Variants in NRXN3 observed in about 807,000 individuals in gnomAD.
NRXN3 encodes the protein neurexin 3, also known as neurexin III.
NRXN3 carries 32 observed loss-of-function variants against 137.6 expected under a neutral mutation model. The ratio of observed to expected loss-of-function variants is 0.23; its 90% CI spans 0.18 to 0.31. The LOEUF is 0.31. Ranked by LOEUF, NRXN3 falls within the 10% of genes least tolerant of loss-of-function variation. NRXN3 has a pLI of 1.00. For synonymous variants in NRXN3, 798 were observed against 784.5 expected (o/e 1.02, Z -0.29); for missense variants, 1,574 against 2,062.5 (o/e 0.76, Z 4.59).
At chr14:78,206,778 AG>A (rs1190494355) in intron 1 of NRXN3, among the ~76,000 whole-genome samples, 11 of 152,152 alleles carry the variant, frequency 7.2e-5, no homozygotes, top group African/African-American at 2.7e-4. Context: ...TGTGGCTCAA[AG>A]TGGGTGGTGA....
At chr14:79,455,169 G>C (rs1417688568) in intron 15 of NRXN3, among the ~76,000 whole-genome samples, 1 of 152,144 alleles carries the variant, frequency 6.6e-6, no homozygotes, top group African/African-American at 2.4e-5. Context: ...TCAAGATCTA[G>C]GTAGATTGTA....
At chr14:79,714,046 T>A (rs973803365) in intron 19 of NRXN3, among the ~76,000 whole-genome samples, 1 of 152,198 alleles carries the variant, frequency 6.6e-6, no homozygotes, top group Admixed American at 6.5e-5. Context: ...TTATTTACTT[T>A]ACCTTACATG....
At chr14:79,546,034 C>A (rs142120290) in intron 16 of NRXN3, among the ~76,000 whole-genome samples, 1 of 152,214 alleles carries the variant, frequency 6.6e-6, no homozygotes, top group East Asian at 1.9e-4. Context: ...AGCTTCTCTG[C>A]ACAAGCTCTC....
Position 79,072,307 on chromosome 14 carries a change from T to C in NRXN3, c.3262+84166T>C, listed in dbSNP as rs2099688885. 2.6e-5 allele frequency: 4 copies of C among 152,192 alleles called. No homozygotes were observed. In the South Asian group the frequency reaches 8.3e-4, roughly 32 times the overall value. The allele number at this position is 152,192 out of a possible 1,614,324, so 9.4% of individuals were successfully genotyped here. A position where few individuals can be genotyped will look rare whatever the true frequency, so the allele number is the denominator to read the frequency against. ...CAAATTGCCAGTATCAAAGATTCTG[T>C]TGATGAGGAATAGACAGCCTGTGTT... On this transcript the variant is annotated intron_variant, in intron 15 of 20. Transcript: ENST00000335750.
At chr14:79,798,764 A>G (rs1312896233) in intron 19 of NRXN3, among the ~76,000 whole-genome samples, 1 of 152,246 alleles carries the variant, frequency 6.6e-6, no homozygotes, top group African/African-American at 2.4e-5. Context: ...AGGAGGGGAC[A>G]GAGTGAAACG....
intron 19 of NRXN3, among the ~76,000 whole-genome samples, chr14:79,701,589 CAG>C (rs2098754752): frequency 6.6e-6 from 1 of 152,008 alleles, no homozygotes; most frequent in Admixed American, 6.6e-5. Context: ...TCAGGGCTTC[CAG>C]AGAGAGTACT....
chr14:78,572,336 C>G (rs937198358), intron 4 of NRXN3, among the ~76,000 whole-genome samples: 23 of 152,176 alleles, frequency 1.5e-4, no homozygotes, highest in Non-Finnish European at 3.1e-4. Context: ...AAGCTACACA[C>G]ATGAAAGGTA....
At chr14:79,641,568 C>T (rs1359941794) in intron 16 of NRXN3, among the ~76,000 whole-genome samples, 1 of 135,398 alleles carries the variant, frequency 7.4e-6, no homozygotes. Flanking sequence ...TGTTGGCTCT[C>T]CTTTGGACTG....
intron 4 of NRXN3, among the ~76,000 whole-genome samples, chr14:78,397,057 G>A (rs772760843): frequency 1.3e-5 from 2 of 152,156 alleles, no homozygotes; most frequent in South Asian, 2.1e-4. Context: ...CTATCTCCAA[G>A]TACAGTTACG....
At chr14:79,752,223 G>A (rs919245804) in intron 19 of NRXN3, among the ~76,000 whole-genome samples, 1 of 127,794 alleles carries the variant, frequency 7.8e-6, no homozygotes, top group Admixed American at 8.7e-5. Flanking sequence ...TGCTTGGTAA[G>A]CTATTGATTA....
chr14:79,343,779 A>G (rs2092730253), intron 15 of NRXN3, among the ~76,000 whole-genome samples: 1 of 152,174 alleles, frequency 6.6e-6, no homozygotes, highest in South Asian at 2.1e-4. Flanking sequence ...GATATAGTTT[A>G]CCTGCACAGT....
intron 4 of NRXN3, among the ~76,000 whole-genome samples, chr14:78,578,413 G>T (rs146497832): frequency 3.3e-5 from 5 of 152,194 alleles, no homozygotes; most frequent in African/African-American, 4.8e-5. Flanking sequence ...GCTATTCGGA[G>T]TAATTGGGGA....
intron 15 of NRXN3, chr14:79,280,563 T>C: frequency 1.9e-6 from 3 of 1,598,168 alleles, no homozygotes; most frequent in Non-Finnish European, 2.6e-6. Flanking sequence ...TCTTTATCCT[T>C]TTAATGGGGC....
chr14:78,714,947 G>A lies in NRXN3; in HGVS notation c.1852G>A (p.Gly618Arg). The change falls in exon 8 of 21, where the codon GGG becomes AGG. Residue 618 changes from glycine to arginine, a missense_variant. Around this residue, in one of 5 missense-constraint regions of NRXN3, gnomAD observed 718 missense variants for 887.6 expected, o/e 0.81. Transcript: ENST00000335750. Reference protein sequence around the residue: ...VGCIRDLFIDGRSKNIRQLAE... With the variant: ...VGCIRDLFIDRRSKNIRQLAE... ...CTGCATCCGCGACCTATTCATTGAT[G>A]GGCGCAGCAAGAACATTCGACAGCT... 1.2e-6 allele frequency: 2 copies of A among 1,614,154 alleles called. No individual in the cohort carries two copies. The highest frequency in any genetic ancestry group is 1.7e-6 in the Non-Finnish European group (2 of 1,180,024).
At chr14:78,988,318 C>A in intron 15 of NRXN3, 177 bp downstream of exon 15, 1 of 755,166 alleles carries the variant, frequency 1.3e-6, no homozygotes, top group Non-Finnish European at 2.2e-6. Context: ...AGAGATGTGT[C>A]TTGCTTAACA....
intron 2 of NRXN3, among the ~76,000 whole-genome samples, chr14:78,274,519 A>C: frequency 6.6e-6 from 1 of 152,224 alleles, no homozygotes; most frequent in Admixed American, 6.5e-5. Context: ...TACGGGAACT[A>C]CAATTCAAGA....
At chr14:79,653,146 G>T (rs1445528808) in intron 16 of NRXN3, among the ~76,000 whole-genome samples, 1 of 151,994 alleles carries the variant, frequency 6.6e-6, no homozygotes, top group Admixed American at 6.6e-5. Context: ...GGAAAAATGA[G>T]CCCTTATTTC....
chr14:79,516,766 A>G (rs1057146182), intron 16 of NRXN3, among the ~76,000 whole-genome samples: 2 of 152,192 alleles, frequency 1.3e-5, no homozygotes, highest in African/African-American at 2.4e-5. Context: ...TACTGTATAT[A>G]TAATTCTGCA....
chr14:79,124,109 C>A (rs2055981916), intron 15 of NRXN3, among the ~76,000 whole-genome samples: 1 of 152,118 alleles, frequency 6.6e-6, no homozygotes, highest in Admixed American at 6.5e-5. Flanking sequence ...GGGGGCTTTT[C>A]TGTGTTACTT....
Sources: gnomAD v4.1 joint callset for allele counts (sites outside exome capture counted in the v4.1 genomes callset) on GRCh38, gnomAD v4.1.1 for gene constraint, gnomAD v4.1.1 regional missense constraint, MANE v1.5 for transcripts, NCBI Gene and HGNC (gene_info 2026-07-23, HGNC 2026-07-21) for gene names.